Variants in ABLIM2 observed in about 807,000 individuals in gnomAD.
The protein encoded by ABLIM2 is actin-binding LIM protein 2.
A neutral mutation model predicts 97.7 loss-of-function variants in ABLIM2; 53 were observed. That is an observed-to-expected ratio of 0.54 (90% CI 0.44 to 0.68). ABLIM2 has a LOEUF of 0.68. Among genes scored for constraint, ABLIM2 ranks in the 30% least tolerant of loss-of-function variants. ABLIM2 has a pLI of 0.00. For synonymous variants in ABLIM2, 361 were observed against 345.8 expected (o/e 1.04, Z -0.49); for missense variants, 835 against 867.2 (o/e 0.96, Z 0.47).
intron 1 of ABLIM2, among the ~76,000 whole-genome samples, chr4:8,109,217 C>A (rs895639324): frequency 1.3e-5 from 2 of 152,224 alleles, no homozygotes. Context: ...AGGCACAGAG[C>A]CAGGGGTGCT....
intron 1 of ABLIM2, among the ~76,000 whole-genome samples, chr4:8,157,957 C>T (rs1426934725): frequency 6.6e-6 from 1 of 152,276 alleles, no homozygotes; most frequent in Non-Finnish European, 1.5e-5. Flanking sequence ...GGGCTCACCG[C>T]CAAGGGCTCC....
chr4:8,085,429 C>A lies in ABLIM2; in HGVS notation c.454+2740G>T, dbSNP rs1290303812. On this transcript the variant is annotated intron_variant, in intron 4 of 20. Coordinates refer to ENST00000447017, the MANE Select transcript of ABLIM2 (RefSeq NM_001130083.2). The surrounding 1 kb of genome is among the most constrained non-coding windows in gnomAD (Gnocchi z 6.1). Reference sequence around the variant, plus strand: ...GCCATCTGGTGTTGGTGTCTCAGTGCCATTCCCATTCCCCGCCCCCACGCT... The same window carrying A: ...GCCATCTGGTGTTGGTGTCTCAGTGACATTCCCATTCCCCGCCCCCACGCT... Among the ~76,000 whole-genome samples, 1 of 152,186 alleles carries A rather than the reference C, an allele frequency of 6.6e-6. No homozygotes were observed. The highest frequency in any genetic ancestry group is 1.5e-5 in the Non-Finnish European group (1 of 68,022).
In ABLIM2 at chr4:8,009,059, A is replaced by G. The variant is rs758098042; in HGVS notation, c.1467T>C (p.Asp489=). 9.3e-6 allele frequency: 15 copies of G among 1,614,016 alleles called. No homozygotes were observed. The highest frequency in any genetic ancestry group is 1.2e-5 in the Non-Finnish European group (14 of 1,179,900). The change falls in exon 15 of 21, where the codon GAT becomes GAC. Residue 489 remains aspartate, a synonymous_variant. Transcript: ENST00000447017. ...TGCTCCCTGGCATTACCTTCCTGTT[A>G]TCCTGGTCCAAGCTTCCATCCTCCC... is the stretch of plus-strand genomic sequence containing the variant. ...SDGEDGSLDQ[D]NRKQKSSWLM...
chr4:8,149,447 G>A lies in ABLIM2; in HGVS notation c.10+9233C>T, dbSNP rs1377711293. Among the ~76,000 whole-genome samples, 1 of 151,966 alleles carries A rather than the reference G, an allele frequency of 6.6e-6. No homozygotes were observed. The highest frequency in any genetic ancestry group is 1.5e-5 in the Non-Finnish European group (1 of 67,992). On this transcript the variant is annotated intron_variant, in intron 1 of 20. Transcript: ENST00000447017. The surrounding 1 kb of genome is among the most constrained non-coding windows in gnomAD (Gnocchi z 6.4). ...CAGCTCCAGGCTGCAGAGCAGGCAG[G>A]AGCAGGCACAAATCTCCACAGGAAA...
rs1169365576 is a variant in ABLIM2, at chr4:8,147,301, A to G, written c.10+11379T>C. Among the ~76,000 whole-genome samples the G allele has an allele frequency of 2.0e-5, 3 of 152,154 alleles. No individual in the cohort carries two copies. The highest frequency in any genetic ancestry group is 3.9e-4 in the East Asian group (2 of 5,194). ...TCATTCTCACTCTCTCATCCATCCT[A>G]GAGACTCCACAGGGAGAAGAAAAGG... is the stretch of plus-strand genomic sequence containing the variant. On this transcript the variant is annotated intron_variant, in intron 1 of 20. Transcript: ENST00000447017. This position sits in a 1 kb window ranked among gnomAD's most constrained non-coding sequence, Gnocchi z 5.3.
chr4:8,129,495 G>A (rs1003887837), intron 1 of ABLIM2, among the ~76,000 whole-genome samples: 4 of 152,196 alleles, frequency 2.6e-5, no homozygotes, highest in African/African-American at 9.7e-5. Flanking sequence ...CTACCATATT[G>A]TTTCATGCAA....
At position 8,124,585 on chromosome 4, in the gene ABLIM2, G is replaced by A. The variant is rs1024227347; in HGVS notation, c.11-17948C>T. ...TGTCCGTGGTGTGGTGGGCGTCAGT[G>A]CCTCTTTCCTTTTGATGGCTGAGAA... On this transcript the variant is annotated intron_variant, in intron 1 of 20. Coordinates refer to ENST00000447017, the MANE Select transcript of ABLIM2 (RefSeq NM_001130083.2). The surrounding 1 kb of genome is among the most constrained non-coding windows in gnomAD (Gnocchi z 6.1). 1.3e-5 allele frequency among the ~76,000 whole-genome samples: 2 copies of A among 152,152 alleles called. No homozygotes were observed. Among genetic ancestry groups the A allele is most frequent in the Admixed American group, 1.3e-4 (2 of 15,284 alleles).
intron 3 of ABLIM2, 60 bp downstream of exon 3, chr4:8,097,039 G>C: frequency 6.6e-7 from 1 of 1,523,932 alleles, no homozygotes. Context: ...AAGGGAGGGA[G>C]GGAAGGAGAA....
At chr4:7,997,197 A>G (rs1753899572) in intron 16 of ABLIM2, among the ~76,000 whole-genome samples, 2 of 151,954 alleles carry the variant, frequency 1.3e-5, no homozygotes, top group Non-Finnish European at 2.9e-5. Flanking sequence ...TCAGCCTCCC[A>G]AGTAACTGAG....
chr4:8,095,183 A>G lies in ABLIM2; in HGVS notation c.338+1916T>C, dbSNP rs1320126201. 6.6e-6 allele frequency among the ~76,000 whole-genome samples: 1 copy of G among 151,636 alleles called. No individual in the cohort carries two copies. Among genetic ancestry groups the G allele is most frequent in the Non-Finnish European group, 1.5e-5 (1 of 67,972 alleles). On this transcript the variant is annotated intron_variant, in intron 3 of 20. Coordinates refer to ENST00000447017, the MANE Select transcript of ABLIM2 (RefSeq NM_001130083.2). This position sits in a 1 kb window ranked among gnomAD's most constrained non-coding sequence, Gnocchi z 4.7. ...CAGTGGTGCAATCATAGCTCACTGC[A>G]GCCTCAAAATCCTGGGCCCAAGCAA...
At position 8,019,570 on chromosome 4, in the gene ABLIM2, G is replaced by T; in HGVS notation, c.1423+48C>A. 6 of 1,557,328 alleles carry T rather than the reference G, an allele frequency of 3.9e-6. No homozygotes were observed. Among genetic ancestry groups the T allele is most frequent in the South Asian group, 1.2e-5 (1 of 86,626 alleles). On this transcript the variant is annotated intron_variant, in intron 14 of 20. Transcript: ENST00000447017. The surrounding 1 kb of genome is among the most constrained non-coding windows in gnomAD (Gnocchi z 4.3). Reference sequence around the variant, plus strand: ...ATGCATTCAGAAGCAGATGGGTATTGACAGGCATGCGGGGCAAACCACAGC... The same window carrying T: ...ATGCATTCAGAAGCAGATGGGTATTTACAGGCATGCGGGGCAAACCACAGC...
chr4:8,076,538 C>A, intron 6 of ABLIM2, among the ~76,000 whole-genome samples: 1 of 152,222 alleles, frequency 6.6e-6, no homozygotes, highest in Non-Finnish European at 1.5e-5. Flanking sequence ...CCACCCTATC[C>A]TCCCAGCCAA....
At chr4:7,969,794 A>G (rs926263576) in intron 20 of ABLIM2, among the ~76,000 whole-genome samples, 6 of 145,618 alleles carry the variant, frequency 4.1e-5, no homozygotes, top group Non-Finnish European at 7.5e-5. Flanking sequence ...TCTGCCAGGA[A>G]GAGGCCCTCA....
intron 1 of ABLIM2, among the ~76,000 whole-genome samples, chr4:8,131,715 CCTG>C (rs1276241151): frequency 1.4e-4 from 15 of 105,206 alleles, no homozygotes; most frequent in African/African-American, 6.1e-4. Flanking sequence ...AGCCCGCATC[CCTG>C]AGCACAGCAG....
At chr4:8,106,949 G>A (rs1183219450) in intron 1 of ABLIM2, among the ~76,000 whole-genome samples, 1 of 152,226 alleles carries the variant, frequency 6.6e-6, no homozygotes, top group Non-Finnish European at 1.5e-5. Context: ...CTGCGGCAAT[G>A]AGGCCATCAC....
intron 2 of ABLIM2, among the ~76,000 whole-genome samples, chr4:8,104,733 G>T (rs78437530): frequency 6.6e-6 from 1 of 152,172 alleles, no homozygotes; most frequent in Non-Finnish European, 1.5e-5. Context: ...TCCAAGTGCC[G>T]CGCTGTGGCC....
chr4:8,033,730 T>C lies in ABLIM2; in HGVS notation c.1047+2419A>G, dbSNP rs1470836399. On this transcript the variant is annotated intron_variant, in intron 10 of 20. Coordinates refer to ENST00000447017, the MANE Select transcript of ABLIM2 (RefSeq NM_001130083.2). This position sits in a 1 kb window ranked among gnomAD's most constrained non-coding sequence, Gnocchi z 4.5. ...CAGGTCCTGGGGTCAGGATCATCCA[T>C]GGTTCACAGATGTCCTGCCATTTGA... 6.6e-6 allele frequency among the ~76,000 whole-genome samples: 1 copy of C among 152,190 alleles called. No homozygotes were observed. Among genetic ancestry groups the C allele is most frequent in the Non-Finnish European group, 1.5e-5 (1 of 68,026 alleles).
intron 8 of ABLIM2, among the ~76,000 whole-genome samples, chr4:8,047,311 G>T (rs897755623): frequency 6.6e-6 from 1 of 152,068 alleles, no homozygotes; most frequent in Non-Finnish European, 1.5e-5. Flanking sequence ...TCCATGCCCC[G>T]TGTCTCCTTA....
At chr4:8,039,265 G>A (rs545985202) in intron 9 of ABLIM2, among the ~76,000 whole-genome samples, 27 of 152,148 alleles carry the variant, frequency 1.8e-4, no homozygotes, top group Middle Eastern at 3.4e-3. Context: ...CCCCACCTCC[G>A]TCCCCTCCAA....
Sources: gnomAD v4.1 joint callset for allele counts (sites outside exome capture counted in the v4.1 genomes callset) on GRCh38, gnomAD v4.1.1 for gene constraint, Gnocchi (gnomAD v3.1) non-coding constraint, MANE v1.5 for transcripts, NCBI Gene and HGNC (gene_info 2026-07-23, HGNC 2026-07-21) for gene names.